The following DBF4 variants were observed in gnomAD, a reference collection of about 807,000 sequenced individuals.
DBF4 encodes the protein protein DBF4 homolog A.
DBF4 carries 25 observed loss-of-function variants against 76.6 expected under a neutral mutation model. The ratio of observed to expected loss-of-function variants is 0.33; its 90% CI spans 0.24 to 0.46. DBF4 has a LOEUF of 0.46. DBF4 is among the 20% of genes least tolerant of loss of function. The probability of loss-of-function intolerance (pLI) is 1.00; values close to 1 mark genes in which losing one functional copy is unlikely to be tolerated. For synonymous variants in DBF4, 213 were observed against 258.0 expected (o/e 0.83, Z 1.67); for missense variants, 638 against 760.8 (o/e 0.84, Z 1.90).
intron 6 of DBF4, among the ~76,000 whole-genome samples, chr7:87,889,942 C>A (rs1464249175): frequency 6.6e-6 from 1 of 152,154 alleles, no homozygotes; most frequent in Non-Finnish European, 1.5e-5. Flanking sequence ...CTGTATTGGA[C>A]TTTGCTAAAT....
rs558250282 is a variant in DBF4, at chr7:87,896,760, A to G, written c.634+250A>G. 2.0e-5 allele frequency among the ~76,000 whole-genome samples: 3 copies of G among 152,348 alleles called. No homozygotes were observed. The South Asian group carries it at 6.2e-4, about 32-fold the overall frequency. ...TGAATTATATTAAAATGTAGTTACC[A>G]AAATAGTTTTTAATTGTGAAATAGT... On this transcript the variant is annotated intron_variant, in intron 7 of 11. Coordinates refer to ENST00000265728, the MANE Select transcript of DBF4 (RefSeq NM_006716.4).
At chr7:87,880,292 G>C (rs1413831515) in intron 2 of DBF4, among the ~76,000 whole-genome samples, 1 of 152,090 alleles carries the variant, frequency 6.6e-6, no homozygotes, top group Non-Finnish European at 1.5e-5. Context: ...AATAGTTGAG[G>C]GACCTTTTGG....
intron 2 of DBF4, among the ~76,000 whole-genome samples, chr7:87,881,813 A>G (rs1270486646): frequency 6.6e-6 from 1 of 152,180 alleles, no homozygotes; most frequent in Non-Finnish European, 1.5e-5. Context: ...CTATTAGAAC[A>G]CAGAGATAGG....
At position 87,890,130 on chromosome 7, in the gene DBF4, C is replaced by T. The variant is rs192274552; in HGVS notation, c.597+2071C>T. 5.1e-4 allele frequency among the ~76,000 whole-genome samples: 78 copies of T among 152,286 alleles called. 1 individual carries two copies. The highest frequency in any genetic ancestry group is 1.7e-3 in the African/African-American group (69 of 41,548). On this transcript the variant is annotated intron_variant, in intron 6 of 11. Coordinates refer to ENST00000265728, the MANE Select transcript of DBF4 (RefSeq NM_006716.4). The stretch of plus-strand genomic sequence containing the variant: ...TAAGTTTCATAGAACAATAGTTACC[C>T]TCCTTAATGTGGTGGATATTAATAT...
chr7:87,897,485 G>A (rs1474869765), intron 8 of DBF4, 146 bp downstream of exon 8: 9 of 632,794 alleles, frequency 1.4e-5, no homozygotes, highest in South Asian at 2.9e-5. Flanking sequence ...ACAAGTTAAC[G>A]AAAGTAGCAT....
rs140453740 is a variant in DBF4 at position 87,904,370 on chromosome 7, G to T, written c.1003G>T (p.Val335Phe). 964 of 1,613,628 alleles carry T rather than the reference G, an allele frequency of 6.0e-4. 2 individuals carry two copies. The highest frequency in any genetic ancestry group is 7.5e-4 in the Non-Finnish European group (887 of 1,179,754). ...QVVDDIVSKL[V>F]FDFVEYEKDT... is the part of the protein sequence containing the mutation. ...TGTTGATGATATTGTATCTAAGTTAGTTTTTGACTTTGTGGAATATGAAAA... is the reference window on the plus strand; with the variant it reads ...TGTTGATGATATTGTATCTAAGTTATTTTTTGACTTTGTGGAATATGAAAA... Residue 335 changes from valine (V) to phenylalanine (F), a missense_variant, in exon 11 of 12, where the codon GTT (valine) becomes TTT (phenylalanine). Val to Phe is a conservative substitution (Grantham distance 50). Coordinates refer to ENST00000265728, the MANE Select transcript of DBF4 (RefSeq NM_006716.4).
intron 6 of DBF4, among the ~76,000 whole-genome samples, chr7:87,895,743 T>G (rs1439282890): frequency 6.6e-6 from 1 of 152,200 alleles, no homozygotes; most frequent in Non-Finnish European, 1.5e-5. Flanking sequence ...CTTTCCCAGG[T>G]CTTCTAGTCA....
intron 10 of DBF4, among the ~76,000 whole-genome samples, chr7:87,902,731 C>T (rs1839818759): frequency 6.6e-6 from 1 of 152,044 alleles, no homozygotes; most frequent in Non-Finnish European, 1.5e-5. Context: ...TTTGATGCTT[C>T]CTTTTAAATT....
intron 2 of DBF4, among the ~76,000 whole-genome samples, chr7:87,881,708 C>A (rs1422995528): frequency 6.6e-6 from 1 of 152,140 alleles, no homozygotes; most frequent in Non-Finnish European, 1.5e-5. Flanking sequence ...TAAAATATAA[C>A]CCTCTAGGTA....
chr7:87,901,817 GATAGGTT>G (rs1839797474), intron 10 of DBF4, among the ~76,000 whole-genome samples: 2 of 152,162 alleles, frequency 1.3e-5, no homozygotes, highest in Admixed American at 1.3e-4. Flanking sequence ...TTACGTAATA[GATAGGTT>G]TGTTTTGGTG....
At chr7:87,886,412 G>A (rs1300665268) in intron 3 of DBF4, among the ~76,000 whole-genome samples, 1 of 151,680 alleles carries the variant, frequency 6.6e-6, no homozygotes, top group Non-Finnish European at 1.5e-5. Context: ...GTGCGTGCCT[G>A]TAGTCCCAGC....
At chr7:87,905,224 C>G (rs1164508760) in intron 11 of DBF4, among the ~76,000 whole-genome samples, 1 of 152,194 alleles carries the variant, frequency 6.6e-6, no homozygotes, top group Non-Finnish European at 1.5e-5. Context: ...ATCTCTGTTG[C>G]AACTAATTAG....
chr7:87,894,857 A>G (rs1839593908), intron 6 of DBF4, among the ~76,000 whole-genome samples: 1 of 152,146 alleles, frequency 6.6e-6, no homozygotes, highest in South Asian at 2.1e-4. Context: ...CTTTGGTTTC[A>G]GAAGTTCGAT....
chr7:87,906,472 G>A (rs989941639), intron 11 of DBF4, among the ~76,000 whole-genome samples: 3 of 151,932 alleles, frequency 2.0e-5, no homozygotes, highest in Admixed American at 1.3e-4. Flanking sequence ...TGTGACATGC[G>A]GAACACAAAA....
intron 8 of DBF4, 99 bp from the exon 9 acceptor site, chr7:87,900,122 C>A: frequency 9.8e-7 from 1 of 1,015,622 alleles, no homozygotes; most frequent in East Asian, 2.7e-5. Context: ...TTTGTTATTT[C>A]AGATTCCAGC....
intron 10 of DBF4, 104 bp downstream of exon 10, chr7:87,900,982 C>A (rs1424624056): frequency 4.2e-6 from 4 of 947,062 alleles, no homozygotes; most frequent in Non-Finnish European, 6.4e-6. Flanking sequence ...ATTTTAAGAA[C>A]TCAAGGGAGG....
At chr7:87,893,515 G>C (rs1009253868) in intron 6 of DBF4, among the ~76,000 whole-genome samples, 2 of 152,098 alleles carry the variant, frequency 1.3e-5, no homozygotes, top group Admixed American at 6.5e-5. Flanking sequence ...AAAGTGCTGG[G>C]ATTACAGGCG....
Position 87,888,015 on chromosome 7 carries a change from G to A in DBF4, c.553G>A (p.Glu185Lys), listed in dbSNP as rs1839401713. 6.4e-7 allele frequency: 1 copy of A among 1,556,984 alleles called. No homozygotes were observed. The highest frequency in any genetic ancestry group is 2.3e-5 in the East Asian group (1 of 42,670). The change falls in exon 6 of 12, where the codon GAG becomes AAG. Residue 185 changes from glutamate (E) to lysine (K), a missense_variant. Transcript: ENST00000265728. Reference sequence around the variant, plus strand: ...ATACTACATTGAACAAAAGAAAAAAGAGTTGTATTTACTCAAGAAATCAAG... The same window carrying A: ...ATACTACATTGAACAAAAGAAAAAAAAGTTGTATTTACTCAAGAAATCAAG... ...IRYYIEQKKK[E>K]LYLLKKSSTS...
intron 10 of DBF4, among the ~76,000 whole-genome samples, chr7:87,902,836 G>C (rs1277756940): frequency 6.6e-6 from 1 of 152,162 alleles, no homozygotes; most frequent in Non-Finnish European, 1.5e-5. Context: ...CAGGATGCTA[G>C]TTTTTAGAAA....
Sources: gnomAD v4.1 joint callset for allele counts (sites outside exome capture counted in the v4.1 genomes callset) on GRCh38, gnomAD v4.1.1 for gene constraint, MANE v1.5 for transcripts, NCBI Gene and HGNC (gene_info 2026-07-23, HGNC 2026-07-21) for gene names.